PDE6B: variants seen among roughly 807,000 people sequenced by gnomAD.
PDE6B encodes phosphodiesterase 6B.
In PDE6B, 106 loss-of-function variants were observed where a neutral mutation model predicts 109.0. The ratio of observed to expected loss-of-function variants is 0.97; its 90% confidence interval spans 0.83 to 1.14. The LOEUF is 1.14. PDE6B is among the 50% of genes most tolerant of loss of function. PDE6B has a pLI of 0.00. For synonymous variants in PDE6B, 490 were observed against 471.3 expected (o/e 1.04, Z -0.51); for missense variants, 1,193 against 1,155.6 (o/e 1.03, Z -0.47).
At chr4:664,315 T>C (rs2109266306) in intron 17 of PDE6B, 94 bp downstream of exon 17, 1 of 775,596 alleles carries the variant, frequency 1.3e-6, no homozygotes. Context: ...CCCCAGACGC[T>C]CTGGAGCAGG....
chr4:638,733 G>A (rs1436706345), intron 3 of PDE6B, among the ~76,000 whole-genome samples: 2 of 152,210 alleles, frequency 1.3e-5, no homozygotes, highest in African/African-American at 2.4e-5. Context: ...TCCCAGTAAT[G>A]AGGGGTCCTC....
rs1483830847 is a variant in PDE6B at position 633,217 on chromosome 4, C to T, written c.469-1460C>T. Among the ~76,000 whole-genome samples, 6 of 152,094 alleles carry T rather than the reference C, an allele frequency of 3.9e-5. No homozygotes were observed. Among genetic ancestry groups the T allele is most frequent in the African/African-American group, 1.4e-4 (6 of 41,408 alleles). On this transcript the variant is annotated intron_variant, in intron 1 of 21. Coordinates refer to ENST00000496514, the MANE Select transcript of PDE6B (RefSeq NM_000283.4). This position sits in a 1 kb window ranked among gnomAD's most constrained non-coding sequence, Gnocchi z 4.5. ...CAGGGGTTGCAGGTGGTGAGATGAG[C>T]CCTCCCTCAGGGCCCATCCCTGTTT...
At chr4:638,230 G>A (rs1468809612) in intron 3 of PDE6B, among the ~76,000 whole-genome samples, 1 of 152,204 alleles carries the variant, frequency 6.6e-6, no homozygotes, top group Non-Finnish European at 1.5e-5. Flanking sequence ...TTTGCCATCT[G>A]TACATCTTAA....
chr4:662,700 C>A lies in PDE6B; in HGVS notation c.1832+82C>A. ...CGTGAATTAGGCTTCGCATAGCAGG[C>A]TATGTAGAAAGTGGAGTCCACGGCC... On this transcript the variant is annotated intron_variant, in intron 14 of 21. Coordinates refer to ENST00000496514, the MANE Select transcript of PDE6B (RefSeq NM_000283.4). This position sits in a 1 kb window ranked among gnomAD's most constrained non-coding sequence, Gnocchi z 4.3. The A allele has an allele frequency of 1.1e-6, 1 of 924,780 alleles. No homozygotes were observed. The highest frequency in any genetic ancestry group is 1.8e-6 in the Non-Finnish European group (1 of 561,446). 57.3% of individuals were successfully genotyped at this position (924,780 alleles called of 1,614,324 possible).
In PDE6B at chr4:664,899, C is replaced by A. The variant is rs1362087090; in HGVS notation, c.2148C>A (p.Ala716=). 6.2e-7 allele frequency: 1 copy of A among 1,613,346 alleles called. No individual in the cohort carries two copies. The highest frequency in any genetic ancestry group is 1.1e-5 in the South Asian group (1 of 91,086). Residue 716 remains alanine, a synonymous_variant, in exon 18 of 22, where the codon GCC becomes GCA. Coordinates refer to ENST00000496514, the MANE Select transcript of PDE6B (RefSeq NM_000283.4). ...TCTGCAGGGCCATGATGATGACAGC[C>A]TGCGACCTGTCTGCCATCACCAAGC... ...KEIVMAMMMT[A]CDLSAITKPW... is the part of the protein sequence containing the mutation.
At position 670,078 on chromosome 4, in the gene PDE6B, C is replaced by T. The variant is rs1486175729; in HGVS notation, c.2536C>T (p.Pro846Ser). The change falls in exon 22 of 22, where the codon CCC (proline) becomes TCC (serine). Residue 846 changes from proline to serine, a missense_variant. Coordinates refer to ENST00000496514, the MANE Select transcript of PDE6B (RefSeq NM_000283.4). ...GTEICNGGPA[P>S]KSSTCCIL ...AGAAATTTGCAATGGCGGCCCAGCA[C>T]CCAAGTCTTCAACCTGCTGTATCCT... 1.9e-6 allele frequency: 3 copies of T among 1,613,166 alleles called. No homozygotes were observed. In the South Asian group the frequency reaches 3.3e-5, roughly 18 times the overall value.
intron 3 of PDE6B, among the ~76,000 whole-genome samples, chr4:649,516 G>A (rs1052670099): frequency 7.9e-5 from 12 of 152,184 alleles, no homozygotes; most frequent in Non-Finnish European, 5.9e-5. Context: ...TGCTTTGAAA[G>A]TGAAGGAGCG....
chr4:642,115 A>G (rs927852530), intron 3 of PDE6B, among the ~76,000 whole-genome samples: 2 of 152,196 alleles, frequency 1.3e-5, no homozygotes, highest in African/African-American at 4.8e-5. Flanking sequence ...TGGTGAGAGG[A>G]GGGAGATATC....
chr4:665,017 C>T lies in PDE6B; in HGVS notation c.2193+73C>T. The T allele has an allele frequency of 8.1e-7, 1 of 1,241,018 alleles. No individual in the cohort carries two copies. The highest frequency in any genetic ancestry group is 1.2e-6 in the Non-Finnish European group (1 of 842,350). The allele number at this position is 1,241,018 out of a possible 1,614,324, so 76.9% of individuals were successfully genotyped here. On this transcript the variant is annotated intron_variant, in intron 18 of 21. Coordinates refer to ENST00000496514, the MANE Select transcript of PDE6B (RefSeq NM_000283.4). This position sits in a 1 kb window ranked among gnomAD's most constrained non-coding sequence, Gnocchi z 4.0. Reference sequence around the variant, plus strand: ...ATGGGACTGCCGGGCGGGCGGGAGCCTCGGATGGCAACGGACCATTGTTTG... The same window carrying T: ...ATGGGACTGCCGGGCGGGCGGGAGCTTCGGATGGCAACGGACCATTGTTTG...
rs1218085959 is a variant in PDE6B, at chr4:665,067, G to GGGCCA, written c.2193+131_2193+135dup. 1.1e-6 allele frequency: 1 copy of GGGCCA among 898,540 alleles called. No homozygotes were observed. Among genetic ancestry groups the GGGCCA allele is most frequent in the Non-Finnish European group, 1.8e-6 (1 of 544,358 alleles). 55.7% of individuals were successfully genotyped at this position (898,540 alleles called of 1,614,324 possible). ...GCAAGGAGCTCTGAGGGCCACCTCG[G>GGGCCA]GGCCAGGCCAGGGCGGCAAGGATGG... On this transcript the variant is annotated intron_variant, in intron 18 of 21. Transcript: ENST00000496514. The surrounding 1 kb of genome is among the most constrained non-coding windows in gnomAD (Gnocchi z 4.0).
rs769174906 is a variant in PDE6B, at chr4:654,851, T to G, written c.955T>G (p.Tyr319Asp). The G allele has an allele frequency of 6.3e-7, 1 of 1,577,976 alleles. No homozygotes were observed. The highest frequency in any genetic ancestry group is 8.7e-7 in the Non-Finnish European group (1 of 1,147,042). ...AATTGTCTTCTACAAAGTGATCGAC[T>G]ACGTCCTCCACGGCAAGGAGGAGAT... ...REIVFYKVIDYVLHGKEEIKV... is the reference protein window; with the variant it reads ...REIVFYKVIDDVLHGKEEIKV... Residue 319 changes from tyrosine (Y) to aspartate (D), a missense_variant, in exon 6 of 22, where the codon TAC (tyrosine) becomes GAC (aspartate). Coordinates refer to ENST00000496514, the MANE Select transcript of PDE6B (RefSeq NM_000283.4).
chr4:664,982 C>CAGG (rs1737621862), intron 18 of PDE6B, 38 bp downstream of exon 18: 2 of 1,509,052 alleles, frequency 1.3e-6, no homozygotes, highest in Non-Finnish European at 1.8e-6. Context: ...GAGTCAGTGC[C>CAGG]TCTCAGCACA....
chr4:652,426 G>GT (rs1735662758), intron 3 of PDE6B: 1 of 824,528 alleles, frequency 1.2e-6, no homozygotes. Context: ...GGCAGGAAGA[G>GT]AGATAGAGAA....
chr4:664,313 G>A, intron 17 of PDE6B, 92 bp downstream of exon 17: 3 of 779,830 alleles, frequency 3.8e-6, no homozygotes, highest in Non-Finnish European at 6.9e-6. Flanking sequence ...CTCCCCAGAC[G>A]CTCTGGAGCA....
At chr4:645,641 A>G (rs1380024102) in intron 3 of PDE6B, among the ~76,000 whole-genome samples, 2 of 151,976 alleles carry the variant, frequency 1.3e-5, no homozygotes, top group Admixed American at 1.3e-4. Context: ...GGATTAATAT[A>G]TACCATATTC....
At position 665,064 on chromosome 4, in the gene PDE6B, T is replaced by C. The variant is rs1399288204; in HGVS notation, c.2193+120T>C. ...TTTGCAAGGAGCTCTGAGGGCCACC[T>C]CGGGGCCAGGCCAGGGCGGCAAGGA... On this transcript the variant is annotated intron_variant, in intron 18 of 21. Transcript: ENST00000496514. The surrounding 1 kb of genome is among the most constrained non-coding windows in gnomAD (Gnocchi z 4.0). The C allele has an allele frequency of 4.4e-6, 4 of 905,272 alleles. No homozygotes were observed. Among genetic ancestry groups the C allele is most frequent in the Non-Finnish European group, 7.3e-6 (4 of 549,852 alleles). 56.1% of individuals were successfully genotyped at this position (905,272 alleles called of 1,614,324 possible). A position where few individuals can be genotyped will look rare whatever the true frequency, so the allele number is the denominator to read the frequency against.
Position 664,167 on chromosome 4 carries a change from A to G in PDE6B, c.2075A>G (p.Lys692Arg), listed in dbSNP as rs1305642045. 6.8e-6 allele frequency: 11 copies of G among 1,612,714 alleles called. No individual in the cohort carries two copies. Among genetic ancestry groups the G allele is most frequent in the African/African-American group, 1.3e-5 (1 of 74,916 alleles). The change falls in exon 17 of 22, where the codon AAG (lysine) becomes AGG (arginine). Residue 692 changes from lysine to arginine, a missense_variant. Lys to Arg is a conservative substitution (Grantham distance 26). Coordinates refer to ENST00000496514, the MANE Select transcript of PDE6B (RefSeq NM_000283.4). The stretch of plus-strand genomic sequence containing the variant: ...GATGAGTCCAAGAACTACCAGGACA[A>G]GAAGAGCTGGGTGGAGTACCTGTCC... Reference protein sequence around the residue: ...IVDESKNYQDKKSWVEYLSLE... With the variant: ...IVDESKNYQDRKSWVEYLSLE...
chr4:667,859 TTC>T lies in PDE6B; in HGVS notation c.2361_2362del (p.Arg788PhefsTer16). The T allele has an allele frequency of 6.2e-7, 1 of 1,612,794 alleles. No individual in the cohort carries two copies. The highest frequency in any genetic ancestry group is 8.5e-7 in the Non-Finnish European group (1 of 1,179,364). On this transcript the variant is annotated frameshift_variant, in exon 21 of 22. Coordinates refer to ENST00000496514, the MANE Select transcript of PDE6B (RefSeq NM_000283.4). LOFTEE classifies it high-confidence loss of function. ...GTGACTTCTCGACTCCCCTCAGGAG[TTC>T]TCTCGTTTCCACGAAGAGATCCTGC... ...DFVCTFVYKE[F>X]SRFHEEILPM...
chr4:654,711 G>A, intron 5 of PDE6B, 113 bp from the exon 6 acceptor site: 1 of 786,920 alleles, frequency 1.3e-6, no homozygotes, highest in South Asian at 1.3e-5. Flanking sequence ...GGTTACGTGT[G>A]TGGGGGTGTG....
Sources: gnomAD v4.1 joint callset for allele counts (sites outside exome capture counted in the v4.1 genomes callset) on GRCh38, gnomAD v4.1.1 for gene constraint, Gnocchi (gnomAD v3.1) non-coding constraint, MANE v1.5 for transcripts, NCBI Gene and HGNC (gene_info 2026-07-23, HGNC 2026-07-21) for gene names.